The following FHIT variants were observed in gnomAD, a reference collection of about 807,000 sequenced individuals.
FHIT encodes bis(5'-adenosyl)-triphosphatase.
FHIT carries 19 observed loss-of-function variants against 17.9 expected under a neutral mutation model. That is an observed-to-expected ratio of 1.06 (90% CI 0.74 to 1.56). The LOEUF is 1.56. FHIT is among the 40% of genes most tolerant of loss of function. The pLI is 0.00. For missense variants in FHIT, 248 were observed against 189.2 expected, an observed-to-expected ratio of 1.31 and a Z score of -1.82; for synonymous variants, 81 against 69.7, an observed-to-expected ratio of 1.16 and a Z score of -0.81.
chr3:61,035,626 T>C (rs2033202489), intron 3 of FHIT, among the ~76,000 whole-genome samples: 1 of 152,186 alleles, frequency 6.6e-6, no homozygotes, highest in Non-Finnish European at 1.5e-5. Context: ...GGAGAAATTA[T>C]TTAAATTAGC....
At chr3:59,950,360 C>T (rs1197725349) in intron 7 of FHIT, among the ~76,000 whole-genome samples, 1 of 152,124 alleles carries the variant, frequency 6.6e-6, no homozygotes, top group East Asian at 1.9e-4. Context: ...TCTCCCTGTT[C>T]ACATGTACCA....
chr3:60,493,846 G>C (rs894691542), intron 5 of FHIT, among the ~76,000 whole-genome samples: 2 of 152,112 alleles, frequency 1.3e-5, no homozygotes, highest in African/African-American at 4.8e-5. Context: ...GCATAATGGA[G>C]TGTTGAATGG....
intron 5 of FHIT, among the ~76,000 whole-genome samples, chr3:60,519,948 G>C (rs546784154): frequency 6.2e-4 from 94 of 152,270 alleles, no homozygotes; most frequent in Middle Eastern, 3.4e-3. Context: ...GTTTTAAACA[G>C]ATACTCCCAA....
chr3:60,454,165 T>A (rs894140800), intron 5 of FHIT, among the ~76,000 whole-genome samples: 1 of 152,140 alleles, frequency 6.6e-6, no homozygotes, highest in Non-Finnish European at 1.5e-5. Context: ...TACAGTTATG[T>A]CTTCAGTTTG....
At chr3:60,770,084 A>G (rs929183672) in intron 4 of FHIT, among the ~76,000 whole-genome samples, 5 of 152,300 alleles carry the variant, frequency 3.3e-5, no homozygotes, top group African/African-American at 1.2e-4. Context: ...CCTACCATGC[A>G]GGTAAATCCT....
At chr3:61,156,407 T>G (rs1352635295) in intron 2 of FHIT, among the ~76,000 whole-genome samples, 1 of 152,104 alleles carries the variant, frequency 6.6e-6, no homozygotes, top group Non-Finnish European at 1.5e-5. Context: ...TTATCCATTC[T>G]CACAGCACCC....
chr3:60,402,064 G>A lies in FHIT; in HGVS notation c.103+134796C>T, dbSNP rs555857014. Among the ~76,000 whole-genome samples the A allele has an allele frequency of 2.2e-4, 34 of 152,200 alleles. 1 individual carries two copies. In the South Asian group the frequency reaches 6.8e-3, roughly 31 times the overall value. On this transcript the variant is annotated intron_variant, in intron 5 of 9. Transcript: ENST00000492590. ...GCTTGATTACTAAGAGTCTTATTAA[G>A]GGGCTATTGTTTCCCCCATCCCTGC...
chr3:60,372,637 G>A (rs1700376331), intron 5 of FHIT, among the ~76,000 whole-genome samples: 1 of 152,082 alleles, frequency 6.6e-6, no homozygotes, highest in South Asian at 2.1e-4. Flanking sequence ...ACTTCCTGAT[G>A]GCAAAAATAT....
intron 5 of FHIT, among the ~76,000 whole-genome samples, chr3:60,223,709 T>A (rs939993771): frequency 6.6e-6 from 1 of 152,190 alleles, no homozygotes; most frequent in African/African-American, 2.4e-5. Context: ...CAAGTCTTCA[T>A]TCCTACATAC....
At chr3:60,747,388 G>C (rs893927019) in intron 4 of FHIT, among the ~76,000 whole-genome samples, 3 of 152,114 alleles carry the variant, frequency 2.0e-5, no homozygotes, top group African/African-American at 7.2e-5. Flanking sequence ...ATTAGATAGT[G>C]TGCAAGCTTT....
chr3:61,235,219 C>G (rs1003172175), intron 1 of FHIT, among the ~76,000 whole-genome samples: 1 of 152,140 alleles, frequency 6.6e-6, no homozygotes, highest in Non-Finnish European at 1.5e-5. Flanking sequence ...GCTCAAGCTC[C>G]CTAGCCGGAT....
intron 3 of FHIT, among the ~76,000 whole-genome samples, chr3:60,955,784 C>T (rs1394668431): frequency 9.9e-5 from 15 of 151,664 alleles, no homozygotes; most frequent in Admixed American, 9.2e-4. Context: ...GAGTTAGGTA[C>T]AAAAACACTT....
At chr3:59,857,172 T>A (rs1162159543) in intron 8 of FHIT, among the ~76,000 whole-genome samples, 1 of 152,114 alleles carries the variant, frequency 6.6e-6, no homozygotes, top group Admixed American at 6.5e-5. Flanking sequence ...GGGGAAGCAG[T>A]TTTCAAGTTG....
intron 4 of FHIT, among the ~76,000 whole-genome samples, chr3:60,692,961 CTGTT>C (rs1432827392): frequency 6.6e-6 from 1 of 152,176 alleles, no homozygotes; most frequent in African/African-American, 2.4e-5. Flanking sequence ...GGTCTTCCCT[CTGTT>C]TGGCCACAGC....
chr3:60,189,761 AAG>A (rs1258254090), intron 5 of FHIT, among the ~76,000 whole-genome samples: 3 of 152,188 alleles, frequency 2.0e-5, no homozygotes, highest in East Asian at 3.8e-4. Context: ...TTCATTTCAA[AAG>A]AGTTAACTAC....
chr3:60,380,483 T>C (rs1046699916), intron 5 of FHIT, among the ~76,000 whole-genome samples: 3 of 152,152 alleles, frequency 2.0e-5, no homozygotes, highest in African/African-American at 7.2e-5. Context: ...AGCAACATAA[T>C]TGGTCTAACA....
chr3:60,694,132 C>T (rs9840473), intron 4 of FHIT, among the ~76,000 whole-genome samples: 16,928 of 151,936 alleles, frequency 0.11, 2,038 homozygotes, highest in African/African-American at 0.3. Flanking sequence ...TGGGAAAGAC[C>T]AGAAAGGCAA....
At chr3:60,271,481 T>A (rs533513778) in intron 5 of FHIT, among the ~76,000 whole-genome samples, 1 of 152,166 alleles carries the variant, frequency 6.6e-6, no homozygotes, top group Non-Finnish European at 1.5e-5. Context: ...TTAGCTTATG[T>A]TATTCCCTAT....
chr3:60,131,320 A>G (rs1699588638), intron 5 of FHIT, among the ~76,000 whole-genome samples: 2 of 151,610 alleles, frequency 1.3e-5, no homozygotes, highest in Non-Finnish European at 1.5e-5. Context: ...CATTATTTTT[A>G]TTGTTGTATT....
Sources: gnomAD v4.1 joint callset for allele counts (sites outside exome capture counted in the v4.1 genomes callset) on GRCh38, gnomAD v4.1.1 for gene constraint, MANE v1.5 for transcripts, NCBI Gene and HGNC (gene_info 2026-07-23, HGNC 2026-07-21) for gene names.